KCNU1: variants seen among roughly 807,000 people sequenced by gnomAD.
KCNU1 encodes the protein potassium calcium-activated channel subfamily U member 1, also known as potassium channel subfamily U member 1.
In KCNU1, 93 loss-of-function variants were observed where a neutral mutation model predicts 126.8. The observed-to-expected ratio is 0.73, with a 90% CI of 0.62 to 0.87. The LOEUF (loss-of-function observed/expected upper bound fraction) is 0.87. KCNU1 is among the 40% of genes least tolerant of loss of function. The pLI is 0.00. For synonymous variants in KCNU1, 523 were observed against 494.2 expected (o/e 1.06, Z -0.77); for missense variants, 1,330 against 1,367.1 (o/e 0.97, Z 0.43).
intron 19 of KCNU1, among the ~76,000 whole-genome samples, chr8:36,886,979 T>C (rs963842634): frequency 6.6e-6 from 1 of 152,242 alleles, no homozygotes; most frequent in African/African-American, 2.4e-5. Context: ...TACATTATTT[T>C]GTTTTTTTTA....
chr8:36,902,022 G>C (rs1416166857), intron 19 of KCNU1, among the ~76,000 whole-genome samples: 3 of 152,108 alleles, frequency 2.0e-5, no homozygotes. Flanking sequence ...CTTTAGTAGA[G>C]TATGTTTCTA....
intron 11 of KCNU1, among the ~76,000 whole-genome samples, chr8:36,833,909 C>G (rs960404266): frequency 1.3e-5 from 2 of 152,146 alleles, no homozygotes; most frequent in African/African-American, 4.8e-5. Context: ...TCAAAATTCT[C>G]TATCTAAATC....
chr8:36,829,098 A>T (rs997643768), intron 10 of KCNU1, among the ~76,000 whole-genome samples: 1 of 151,454 alleles, frequency 6.6e-6, no homozygotes, highest in African/African-American at 2.4e-5. Context: ...TTGCCTATTT[A>T]TTTTTTTACT....
chr8:36,796,095 T>G (rs1395888960), intron 2 of KCNU1, among the ~76,000 whole-genome samples: 1 of 152,250 alleles, frequency 6.6e-6, no homozygotes, highest in Non-Finnish European at 1.5e-5. Flanking sequence ...TGATGCATAA[T>G]TCATCTTTTC....
At chr8:36,909,636 A>G in intron 21 of KCNU1, 101 bp downstream of exon 21, 1 of 708,836 alleles carries the variant, frequency 1.4e-6, no homozygotes. Flanking sequence ...TCCTTGCCAG[A>G]TGCCAGAAAC....
intron 10 of KCNU1, among the ~76,000 whole-genome samples, chr8:36,827,874 T>C (rs995175516): frequency 1.5e-4 from 23 of 152,252 alleles, no homozygotes; most frequent in African/African-American, 5.1e-4. Flanking sequence ...ATTGTACCAT[T>C]GTAGAGACTT....
At chr8:36,900,577 T>A (rs1244047949) in intron 19 of KCNU1, among the ~76,000 whole-genome samples, 1 of 152,042 alleles carries the variant, frequency 6.6e-6, no homozygotes, top group Non-Finnish European at 1.5e-5. Flanking sequence ...TTTAGGTGAT[T>A]TTTTTTCCCC....
At chr8:36,864,599 A>G in intron 19 of KCNU1, 78 bp downstream of exon 19, 1 of 855,014 alleles carries the variant, frequency 1.2e-6, no homozygotes, top group Admixed American at 1.8e-5. Context: ...TTTAAACCAG[A>G]ATATTTGCTT....
At chr8:36,900,851 C>A (rs1020659977) in intron 19 of KCNU1, among the ~76,000 whole-genome samples, 1 of 152,070 alleles carries the variant, frequency 6.6e-6, no homozygotes, top group Non-Finnish European at 1.5e-5. Flanking sequence ...AACTGCTGGA[C>A]ACACAAATGC....
intron 26 of KCNU1, among the ~76,000 whole-genome samples, chr8:36,933,332 C>T (rs1179263219): frequency 2.6e-5 from 4 of 152,050 alleles, no homozygotes; most frequent in African/African-American, 9.7e-5. Flanking sequence ...TAACTTACTC[C>T]TCATCCATGT....
At chr8:36,837,124 C>T (rs1804780413) in intron 14 of KCNU1, among the ~76,000 whole-genome samples, 179 bp downstream of exon 14, 1 of 152,004 alleles carries the variant, frequency 6.6e-6, no homozygotes, top group African/African-American at 2.4e-5. Context: ...ACCACACTGA[C>T]CTTGAAGAAA....
chr8:36,887,864 C>T (rs1161458666), intron 19 of KCNU1, among the ~76,000 whole-genome samples: 2 of 152,128 alleles, frequency 1.3e-5, no homozygotes, highest in African/African-American at 2.4e-5. Flanking sequence ...AATTTGGTAT[C>T]TTATTGCCAC....
chr8:36,815,499 G>C, intron 8 of KCNU1, 97 bp from the exon 9 acceptor site: 1 of 592,978 alleles, frequency 1.7e-6, no homozygotes, highest in South Asian at 2.6e-5. Flanking sequence ...ATGACAGAAA[G>C]TTTTATGTAC....
At chr8:36,845,541 A>G in intron 16 of KCNU1, 39 bp from the exon 17 acceptor site, 7 of 1,223,402 alleles carry the variant, frequency 5.7e-6, no homozygotes, top group Non-Finnish European at 8.4e-6. Flanking sequence ...CACTGAAATC[A>G]GAGGGAAACA....
At chr8:36,880,441 C>A (rs995330496) in intron 19 of KCNU1, among the ~76,000 whole-genome samples, 1 of 152,050 alleles carries the variant, frequency 6.6e-6, no homozygotes, top group African/African-American at 2.4e-5. Flanking sequence ...GTTTTTATAG[C>A]CTTACATTAT....
intron 19 of KCNU1, among the ~76,000 whole-genome samples, chr8:36,879,123 G>T (rs966521718): frequency 1.4e-5 from 2 of 145,374 alleles, no homozygotes; most frequent in Admixed American, 1.4e-4. Flanking sequence ...TTTTAATAAG[G>T]CTTGGAAACT....
chr8:36,821,448 T>G (rs1010651423), intron 10 of KCNU1, among the ~76,000 whole-genome samples: 13 of 152,182 alleles, frequency 8.5e-5, no homozygotes, highest in Admixed American at 3.3e-4. Context: ...GGGTATTCAC[T>G]TCTCCATTCA....
At chr8:36,789,995 A>G (rs1802847560) in intron 2 of KCNU1, among the ~76,000 whole-genome samples, 3 of 152,218 alleles carry the variant, frequency 2.0e-5, no homozygotes, top group Non-Finnish European at 2.9e-5. Flanking sequence ...CTCAAAGGGA[A>G]TCACTCTATT....
Position 36,840,519 on chromosome 8 carries a change from T to G in KCNU1, c.1575T>G (p.Ile525Met). Reference protein sequence around the residue: ...KHFLNSMKNKILTQRLSDDFA... With the variant: ...KHFLNSMKNKMLTQRLSDDFA... ...TCTTGAATAGCATGAAAAACAAAAT[T>G]CTGACCCAACGTCTCTCTGATGACT... is the stretch of plus-strand genomic sequence containing the variant. The change falls in exon 15 of 27, where the codon ATT becomes ATG. Residue 525 changes from isoleucine (I) to methionine (M), a missense_variant. Physicochemically the swap from Ile to Met is conservative, Grantham distance 10. This residue lies in a region of KCNU1 where 1,054 missense variants were observed against 1,053.9 expected (regional missense o/e 1.00). Transcript: ENST00000399881. 1.2e-6 allele frequency: 2 copies of G among 1,613,160 alleles called. No homozygotes were observed. The highest frequency in any genetic ancestry group is 1.7e-6 in the Non-Finnish European group (2 of 1,179,450).
Sources: gnomAD v4.1 joint callset for allele counts (sites outside exome capture counted in the v4.1 genomes callset) on GRCh38, gnomAD v4.1.1 for gene constraint, gnomAD v4.1.1 regional missense constraint, MANE v1.5 for transcripts, NCBI Gene and HGNC (gene_info 2026-07-23, HGNC 2026-07-21) for gene names.